Variants in RPS6KB1 observed in about 807,000 individuals in gnomAD.
The protein encoded by RPS6KB1 is ribosomal protein S6 kinase B1, also known as ribosomal protein S6 kinase beta-1.
In RPS6KB1, 12 loss-of-function variants were observed where a neutral mutation model predicts 70.2. That is an observed-to-expected ratio of 0.17 (90% confidence interval 0.11 to 0.28). RPS6KB1 has a LOEUF of 0.28. RPS6KB1 is among the 10% of genes least tolerant of loss of function. The probability of loss-of-function intolerance (pLI) is 1.00; values close to 1 mark genes in which losing one functional copy is unlikely to be tolerated. For missense variants in RPS6KB1, 270 were observed against 646.6 expected, an observed-to-expected ratio of 0.42 and a Z score of 6.32; for synonymous variants, 175 against 211.2, an observed-to-expected ratio of 0.83 and a Z score of 1.49.
intron 4 of RPS6KB1, among the ~76,000 whole-genome samples, chr17:59,924,517 C>G (rs997496919): frequency 1.3e-5 from 2 of 151,756 alleles, no homozygotes; most frequent in African/African-American, 4.8e-5. Context: ...AAAGAAAAAT[C>G]TACATTTTAT....
At chr17:59,914,469 C>T (rs1332466264) in intron 3 of RPS6KB1, among the ~76,000 whole-genome samples, 166 bp from the exon 4 acceptor site, 1 of 152,170 alleles carries the variant, frequency 6.6e-6, no homozygotes, top group Non-Finnish European at 1.5e-5. Flanking sequence ...GCAGAACAAA[C>T]AGGAAAGTCA....
intron 1 of RPS6KB1, among the ~76,000 whole-genome samples, chr17:59,894,751 T>C (rs2041421844): frequency 6.6e-6 from 1 of 151,628 alleles, no homozygotes; most frequent in Non-Finnish European, 1.5e-5. Flanking sequence ...ATTACAGGCA[T>C]GCGCCACCAC....
At position 59,908,744 on chromosome 17, in the gene RPS6KB1, G is replaced by C. The variant is rs866530408; in HGVS notation, c.142-1818G>C. On this transcript the variant is annotated intron_variant, in intron 1 of 14. Transcript: ENST00000225577. ...CGCCATTCTCCTGCCTCAGCCTCCC[G>C]AGTAGCTGGGACTACAGGTGCCCGC... 3.8e-4 allele frequency among the ~76,000 whole-genome samples: 52 copies of C among 137,954 alleles called. 1 individual carries two copies. The highest frequency in any genetic ancestry group is 1.4e-3 in the African/African-American group (52 of 36,552). 90.5% of individuals were successfully genotyped at this position (137,954 alleles called of 152,430 possible).
intron 13 of RPS6KB1, among the ~76,000 whole-genome samples, chr17:59,944,229 C>T (rs1401572121): frequency 1.3e-5 from 2 of 152,080 alleles, no homozygotes; most frequent in Non-Finnish European, 2.9e-5. Flanking sequence ...TATTGTAACA[C>T]ATAATGCTTA....
intron 5 of RPS6KB1, among the ~76,000 whole-genome samples, chr17:59,927,507 CTT>C (rs749733289): frequency 8.4e-5 from 12 of 142,336 alleles, no homozygotes; most frequent in Admixed American, 7.1e-5. Context: ...ATTGGAAAAA[CTT>C]TTTTTTTTTT....
At chr17:59,930,660 A>G (rs1239163223) in intron 6 of RPS6KB1, 1 of 152,702 alleles carries the variant, frequency 6.5e-6, no homozygotes, top group Non-Finnish European at 1.5e-5. Context: ...CAAATTAAAA[A>G]TATGCACATC....
chr17:59,931,344 A>G (rs2043913691), intron 6 of RPS6KB1: 3 of 345,412 alleles, frequency 8.7e-6, no homozygotes, highest in East Asian at 6.8e-5. Context: ...AACATGACCA[A>G]TGGCAGTTTA....
chr17:59,912,485 A>G (rs904731379), intron 2 of RPS6KB1, 199 bp from the exon 3 acceptor site: 2 of 491,978 alleles, frequency 4.1e-6, no homozygotes, highest in African/African-American at 3.8e-5. Context: ...CATTCTATGA[A>G]CAAGGAGGCA....
Position 59,893,893 on chromosome 17 carries a change from G to A in RPS6KB1, c.141+568G>A. The A allele has an allele frequency of 1.0e-6, 1 of 985,226 alleles. No homozygotes were observed. Among genetic ancestry groups the A allele is most frequent in the Non-Finnish European group, 1.2e-6 (1 of 829,932 alleles). 61.0% of individuals were successfully genotyped at this position (985,226 alleles called of 1,614,324 possible). ...ACCAGGAGTTTTATTTCGGGAGCAA[G>A]GGGGCTCTGCTGCATCTTCCAATCT... is the stretch of plus-strand genomic sequence containing the variant. On this transcript the variant is annotated intron_variant, in intron 1 of 14. Transcript: ENST00000225577. The surrounding 1 kb of genome is among the most constrained non-coding windows in gnomAD (Gnocchi z 4.1).
Position 59,947,382 on chromosome 17 carries a change from ATTGG to A in RPS6KB1, c.*600_*603del, listed in dbSNP as rs1342090481. ...ATCCCAAACTTTAAAATGCGAAATT[ATTGG>A]TTGGTGTGAAGAAAGCCAGACAACT... On this transcript the variant is annotated 3_prime_UTR_variant, in exon 15 of 15. Transcript: ENST00000225577. 8.1e-7 allele frequency: 1 copy of A among 1,229,716 alleles called. No individual in the cohort carries two copies. Among genetic ancestry groups the A allele is most frequent in the Non-Finnish European group, 1.0e-6 (1 of 977,210 alleles). The allele number at this position is 1,229,716 out of a possible 1,614,324, so 76.2% of individuals were successfully genotyped here. A position where few individuals can be genotyped will look rare whatever the true frequency, so the allele number is the denominator to read the frequency against.
Position 59,920,540 on chromosome 17 carries a change from G to A in RPS6KB1, c.381+5837G>A, listed in dbSNP as rs114380922. Reference sequence around the variant, plus strand: ...AGCCATCTAGCTATTCTTCACATCAGTTTCTTCTTCAGTGGGTTGACATTG... The same window carrying A: ...AGCCATCTAGCTATTCTTCACATCAATTTCTTCTTCAGTGGGTTGACATTG... On this transcript the variant is annotated intron_variant, in intron 4 of 14. Coordinates refer to ENST00000225577, the MANE Select transcript of RPS6KB1 (RefSeq NM_003161.4). Among the ~76,000 whole-genome samples, 205 of 152,216 alleles carry A rather than the reference G, an allele frequency of 1.3e-3. 1 individual carries two copies. Among genetic ancestry groups the A allele is most frequent in the African/African-American group, 4.7e-3 (194 of 41,536 alleles).
At chr17:59,920,678 T>C (rs186762565) in intron 4 of RPS6KB1, among the ~76,000 whole-genome samples, 1 of 152,292 alleles carries the variant, frequency 6.6e-6, no homozygotes, top group East Asian at 1.9e-4. Flanking sequence ...GTCCCAGAAA[T>C]GTGAAAAGAA....
intron 1 of RPS6KB1, among the ~76,000 whole-genome samples, chr17:59,900,316 A>G (rs531410933): frequency 6.6e-6 from 1 of 152,120 alleles, no homozygotes; most frequent in East Asian, 1.9e-4. Context: ...TAACTACTCT[A>G]AAGTTTTGAC....
At chr17:59,936,400 A>T in intron 11 of RPS6KB1, 64 bp from the exon 12 acceptor site, 2 of 1,546,058 alleles carry the variant, frequency 1.3e-6, no homozygotes, top group Non-Finnish European at 8.9e-7. Context: ...CAAAAAGGTG[A>T]TTAATTTATC....
At chr17:59,904,032 C>T (rs950351078) in intron 1 of RPS6KB1, among the ~76,000 whole-genome samples, 5 of 151,832 alleles carry the variant, frequency 3.3e-5, no homozygotes, top group African/African-American at 4.8e-5. Flanking sequence ...TGAGCCACTG[C>T]GCCTGGCCTA....
Position 59,934,279 on chromosome 17 carries a change from A to G in RPS6KB1, c.779+19A>G, listed in dbSNP as rs1349455623. The G allele has an allele frequency of 6.3e-7, 1 of 1,576,420 alleles. No individual in the cohort carries two copies. Among genetic ancestry groups the G allele is most frequent in the Non-Finnish European group, 8.7e-7 (1 of 1,145,788 alleles). ...AATACATGTGAGCTACATGTTAAACATAATTGGTTTGGGGGTAATAGCTAA... is the reference window on the plus strand; with the variant it reads ...AATACATGTGAGCTACATGTTAAACGTAATTGGTTTGGGGGTAATAGCTAA... On this transcript the variant is annotated intron_variant, in intron 8 of 14. Transcript: ENST00000225577. The surrounding 1 kb of genome is among the most constrained non-coding windows in gnomAD (Gnocchi z 4.8).
intron 4 of RPS6KB1, among the ~76,000 whole-genome samples, chr17:59,919,553 A>C (rs2043152288): frequency 1.3e-5 from 2 of 152,130 alleles, no homozygotes; most frequent in South Asian, 4.1e-4. Flanking sequence ...GCCTGGAAAA[A>C]GCATTCTGGA....
chr17:59,893,691 G>T lies in RPS6KB1; in HGVS notation c.141+366G>T. Reference sequence around the variant, plus strand: ...TGCTCTTGCTGGGTGTCCCGTAAGTGCAGGCGAAGTGTGGAGGGTTTCCCT... The same window carrying T: ...TGCTCTTGCTGGGTGTCCCGTAAGTTCAGGCGAAGTGTGGAGGGTTTCCCT... On this transcript the variant is annotated intron_variant, in intron 1 of 14. Transcript: ENST00000225577. The surrounding 1 kb of genome is among the most constrained non-coding windows in gnomAD (Gnocchi z 4.1). 1 of 796,038 alleles carries T rather than the reference G, an allele frequency of 1.3e-6. No homozygotes were observed. The highest frequency in any genetic ancestry group is 1.6e-6 in the Non-Finnish European group (1 of 640,004). 49.3% of individuals were successfully genotyped at this position (796,038 alleles called of 1,614,324 possible). A position where few individuals can be genotyped will look rare whatever the true frequency, so the allele number is the denominator to read the frequency against.
At chr17:59,901,213 G>A (rs1409118633) in intron 1 of RPS6KB1, among the ~76,000 whole-genome samples, 1 of 150,022 alleles carries the variant, frequency 6.7e-6, no homozygotes, top group Admixed American at 6.6e-5. Context: ...ACAGTGGCGC[G>A]ATCTCGGCTC....
Sources: gnomAD v4.1 joint callset for allele counts (sites outside exome capture counted in the v4.1 genomes callset) on GRCh38, gnomAD v4.1.1 for gene constraint, Gnocchi (gnomAD v3.1) non-coding constraint, MANE v1.5 for transcripts, NCBI Gene and HGNC (gene_info 2026-07-23, HGNC 2026-07-21) for gene names.